MROH1: variants seen among roughly 807,000 people sequenced by gnomAD.
The protein encoded by MROH1 is maestro heat like repeat family member 1, also known as maestro heat-like repeat-containing protein family member 1.
MROH1 carries 117 observed loss-of-function variants against 116.5 expected under a neutral mutation model. That is an observed-to-expected ratio of 1.00 (90% CI 0.86 to 1.17). MROH1 has a LOEUF of 1.17. MROH1 is among the 50% of genes most tolerant of loss of function. The probability of loss-of-function intolerance (pLI) is 0.00; values close to 1 mark genes in which losing one functional copy is unlikely to be tolerated. For missense variants in MROH1, 1,873 were observed against 1,338.5 expected (o/e 1.40, Z -6.23); for synonymous variants, 921 against 583.9 (o/e 1.58, Z -8.32).
intron 35 of MROH1, among the ~76,000 whole-genome samples, chr8:144,256,031 T>C (rs1183332420): frequency 1.3e-5 from 2 of 151,720 alleles, no homozygotes; most frequent in Non-Finnish European, 2.9e-5. Context: ...GGGAGTGGAG[T>C]TGTGTGGAGT....
chr8:144,219,252 G>A (rs1179811079), intron 12 of MROH1, among the ~76,000 whole-genome samples: 1 of 152,054 alleles, frequency 6.6e-6, no homozygotes, highest in East Asian at 1.9e-4. Flanking sequence ...TCGATCTCCT[G>A]ACCTCGTGAT....
intron 24 of MROH1, among the ~76,000 whole-genome samples, chr8:144,243,195 T>C (rs1256037192): frequency 1.3e-5 from 2 of 152,214 alleles, no homozygotes; most frequent in East Asian, 1.9e-4. Context: ...TCTGAGAGGT[T>C]CTTCTCCCAG....
chr8:144,255,313 C>T (rs980839314), intron 34 of MROH1, among the ~76,000 whole-genome samples, 196 bp from the exon 35 acceptor site: 1 of 151,960 alleles, frequency 6.6e-6, no homozygotes, highest in South Asian at 2.1e-4. Context: ...GACTGCCCCT[C>T]TGTCCCTGTC....
At chr8:144,205,441 TTATATA>T (rs1832606657) in intron 12 of MROH1, among the ~76,000 whole-genome samples, 1 of 152,158 alleles carries the variant, frequency 6.6e-6, no homozygotes, top group Non-Finnish European at 1.5e-5. Flanking sequence ...GGGATTTTCC[TTATATA>T]TGATTTGGTC....
intron 14 of MROH1, among the ~76,000 whole-genome samples, chr8:144,225,508 T>G (rs1012626205): frequency 6.6e-6 from 1 of 151,708 alleles, no homozygotes; most frequent in African/African-American, 2.4e-5. Context: ...GTCTTTTTAC[T>G]TTCTTAACAC....
At chr8:144,222,508 G>GCAGGTA (rs1445731534) in intron 13 of MROH1, among the ~76,000 whole-genome samples, 4 of 152,152 alleles carry the variant, frequency 2.6e-5, no homozygotes, top group African/African-American at 4.8e-5. Context: ...AGGTGCAGGT[G>GCAGGTA]CAGGTACAGG....
chr8:144,148,528 C>T (rs974682321), intron 1 of MROH1: 1 of 152,520 alleles, frequency 6.6e-6, no homozygotes, highest in Non-Finnish European at 1.5e-5. Flanking sequence ...GTCCTCTCTC[C>T]GGGAAGCCAA....
chr8:144,157,878 A>G (rs1587732534), intron 1 of MROH1, among the ~76,000 whole-genome samples: 1 of 149,350 alleles, frequency 6.7e-6, no homozygotes, highest in African/African-American at 2.5e-5. Context: ...GGGTTTTGCC[A>G]TGTTGCCCAG....
chr8:144,212,272 A>T (rs1468728885), intron 12 of MROH1, among the ~76,000 whole-genome samples: 3 of 151,946 alleles, frequency 2.0e-5, no homozygotes, highest in Admixed American at 6.6e-5. Flanking sequence ...TTTTGTAGAG[A>T]TGGGGTCTCA....
intron 43 of MROH1, 109 bp from the exon 44 acceptor site, chr8:144,261,546 G>C: frequency 1.4e-6 from 1 of 691,896 alleles, no homozygotes; most frequent in South Asian, 1.5e-5. Context: ...CGATCTTTCC[G>C]TTGGCTCCTG....
chr8:144,258,673 G>T, intron 35 of MROH1, 104 bp from the exon 36 acceptor site: 1 of 696,420 alleles, frequency 1.4e-6, no homozygotes, highest in South Asian at 1.5e-5. Context: ...GATAGGGCTA[G>T]CCACCAGGTG....
chr8:144,235,041 C>T (rs577772836), intron 14 of MROH1, among the ~76,000 whole-genome samples: 54 of 151,850 alleles, frequency 3.6e-4, no homozygotes, highest in African/African-American at 1.0e-3. Flanking sequence ...TACAGGCGTG[C>T]GCCACCATGC....
intron 12 of MROH1, among the ~76,000 whole-genome samples, chr8:144,219,387 G>A (rs1014920405): frequency 6.6e-6 from 1 of 151,940 alleles, no homozygotes; most frequent in Non-Finnish European, 1.5e-5. Flanking sequence ...TGAACTCCTG[G>A]GCTCAAGTGA....
At position 144,260,324 on chromosome 8, in the gene MROH1, C is replaced by A; in HGVS notation, c.4330C>A (p.Arg1444Ser). 5 of 743,602 alleles carry A rather than the reference C, an allele frequency of 6.7e-6. No homozygotes were observed. The highest frequency in any genetic ancestry group is 1.2e-5 in the Non-Finnish European group (5 of 405,832). The allele number at this position is 743,602 out of a possible 1,614,324, so 46.1% of individuals were successfully genotyped here. ...LVHLVESWDL[R>S]SGLLHVAIRI... is the part of the protein sequence containing the mutation. ...GCACCTGGTGGAGTCCTGGGACCTG[C>A]GCTCAGGGCTGCTGCACGTGGCCAT... The change falls in exon 39 of 44, where the codon CGC (arginine) becomes AGC (serine). Residue 1444 changes from arginine to serine, a missense_variant. By Grantham distance (110) the Arg-to-Ser change is moderately radical. Transcript: ENST00000326134.
chr8:144,199,064 C>T lies in MROH1; in HGVS notation c.949-58C>T, dbSNP rs377578183. Reference sequence around the variant, plus strand: ...GCCCAGGCCCAGAATTGTCAGAGGGCGGGAATCCTTCCTTCTGGCCTCTCT... The same window carrying T: ...GCCCAGGCCCAGAATTGTCAGAGGGTGGGAATCCTTCCTTCTGGCCTCTCT... On this transcript the variant is annotated intron_variant, in intron 10 of 43. Coordinates refer to ENST00000326134, the MANE Select transcript of MROH1 (RefSeq NM_032450.3). 4.0e-3 allele frequency: 6,185 copies of T among 1,528,698 alleles called. 228 individuals are homozygous for T. The South Asian group carries it at 0.064, about 16-fold the overall frequency. The allele number at this position is 1,528,698 out of a possible 1,614,324, so 94.7% of individuals were successfully genotyped here. A position where few individuals can be genotyped will look rare whatever the true frequency, so the allele number is the denominator to read the frequency against.
chr8:144,166,067 T>G (rs1163324829), intron 3 of MROH1, among the ~76,000 whole-genome samples: 3 of 151,656 alleles, frequency 2.0e-5, no homozygotes, highest in African/African-American at 7.3e-5. Context: ...TTAGTAGAGA[T>G]ATGGTTTCAC....
At chr8:144,167,963 C>T (rs556880699) in intron 3 of MROH1, among the ~76,000 whole-genome samples, 27 of 152,258 alleles carry the variant, frequency 1.8e-4, no homozygotes, top group South Asian at 6.2e-4. Flanking sequence ...AGGACCAGAA[C>T]AGCCTCATGC....
intron 3 of MROH1, among the ~76,000 whole-genome samples, chr8:144,167,788 G>T (rs1821319292): frequency 6.6e-6 from 1 of 152,156 alleles, no homozygotes; most frequent in South Asian, 2.1e-4. Flanking sequence ...CTCACTGCTG[G>T]GGTCTTGGAC....
chr8:144,185,454 G>A (rs1408910198), intron 7 of MROH1, among the ~76,000 whole-genome samples: 3 of 150,884 alleles, frequency 2.0e-5, no homozygotes, highest in Non-Finnish European at 4.4e-5. Context: ...AGAGAAAAGA[G>A]AGAAACAAGC....
Sources: gnomAD v4.1 joint callset for allele counts (sites outside exome capture counted in the v4.1 genomes callset) on GRCh38, gnomAD v4.1.1 for gene constraint, MANE v1.5 for transcripts, NCBI Gene and HGNC (gene_info 2026-07-23, HGNC 2026-07-21) for gene names.